FAM177B: variants seen among roughly 807,000 people sequenced by gnomAD.
FAM177B encodes the protein protein FAM177B.
A neutral mutation model predicts 16.1 loss-of-function variants in FAM177B; 16 were observed. The ratio of observed to expected loss-of-function variants is 0.99; its 90% CI spans 0.67 to 1.51. The LOEUF (loss-of-function observed/expected upper bound fraction) is 1.51, where lower values mean the gene tolerates loss of function less well. Among genes scored for constraint, FAM177B ranks in the 40% most tolerant of loss-of-function variants. The pLI is 0.00. For missense variants in FAM177B, 178 were observed against 183.7 expected (o/e 0.97, Z 0.18); for synonymous variants, 56 against 59.9 (o/e 0.93, Z 0.30).
intron 3 of FAM177B, 135 bp downstream of exon 3, chr1:222,746,854 A>G (rs982597849): frequency 1.3e-5 from 12 of 916,250 alleles, no homozygotes; most frequent in Non-Finnish European, 1.7e-5. Context: ...TTCTAAATCC[A>G]TGCATAGGCA....
chr1:222,742,423 C>T (rs1403783657), intron 2 of FAM177B: 1 of 151,936 alleles, frequency 6.6e-6, no homozygotes, highest in African/African-American at 2.4e-5. Flanking sequence ...TGAGTCATAT[C>T]TAAAACCACA....
intron 2 of FAM177B, among the ~76,000 whole-genome samples, chr1:222,740,542 C>A (rs1419158807): frequency 6.6e-6 from 1 of 152,086 alleles, no homozygotes; most frequent in Non-Finnish European, 1.5e-5. Flanking sequence ...TGTCTAGTTA[C>A]CTTTCAATTG....
intron 4 of FAM177B, 43 bp from the exon 5 acceptor site, chr1:222,749,422 A>T: frequency 1.8e-6 from 2 of 1,128,380 alleles, no homozygotes; most frequent in Non-Finnish European, 2.7e-6. Flanking sequence ...GCGAAGCTTT[A>T]GTTAGTAATT....
Position 222,746,627 on chromosome 1 carries a change from T to G in FAM177B, c.82T>G (p.Phe28Val), listed in dbSNP as rs1393147568. 5 of 1,612,398 alleles carry G rather than the reference T, an allele frequency of 3.1e-6. No homozygotes were observed. The African/African-American group carries it at 6.7e-5, about 22-fold the overall frequency. The part of the protein sequence containing the change: ...KKTTPKRIIH[F>V]VDGDIMEEYS... ...GACTACTCCTAAAAGGATTATCCATTTTGTTGACGGAGACATCATGGAAGA... is the reference window on the plus strand; with the variant it reads ...GACTACTCCTAAAAGGATTATCCATGTTGTTGACGGAGACATCATGGAAGA... Residue 28 changes from phenylalanine to valine, a missense_variant, in exon 3 of 6, where the codon TTT (phenylalanine) becomes GTT (valine). Transcript: ENST00000445590.
At chr1:222,740,792 C>T (rs1023096098) in intron 2 of FAM177B, among the ~76,000 whole-genome samples, 4 of 151,394 alleles carry the variant, frequency 2.6e-5, no homozygotes, top group Non-Finnish European at 4.4e-5. Flanking sequence ...CTCGGCCTCC[C>T]GGGTTCATGC....
At chr1:222,744,472 CAAAAA>C (rs763596466) in intron 2 of FAM177B, among the ~76,000 whole-genome samples, 1 of 82,480 alleles carries the variant, frequency 1.2e-5, no homozygotes, top group Non-Finnish European at 2.7e-5. Context: ...AACTCCATCT[CAAAAA>C]AAAAAAAAAA....
intron 2 of FAM177B, among the ~76,000 whole-genome samples, chr1:222,740,918 C>T (rs1415445455): frequency 6.6e-6 from 1 of 152,104 alleles, no homozygotes; most frequent in African/African-American, 2.4e-5. Context: ...CCAGGATGGT[C>T]TTGATCTCCT....
intron 2 of FAM177B, 123 bp from the exon 3 acceptor site, chr1:222,746,408 A>G (rs968767457): frequency 1.8e-5 from 9 of 502,294 alleles, no homozygotes; most frequent in Non-Finnish European, 3.2e-5. Flanking sequence ...GGATTTGAGG[A>G]ATCGATGAGG....
At chr1:222,741,575 T>G (rs1481889399) in intron 2 of FAM177B, among the ~76,000 whole-genome samples, 1 of 151,602 alleles carries the variant, frequency 6.6e-6, no homozygotes, top group Non-Finnish European at 1.5e-5. Flanking sequence ...TCGCCCAGGC[T>G]AGAGTGCAGT....
At chr1:222,740,989 G>A (rs1163471481) in intron 2 of FAM177B, among the ~76,000 whole-genome samples, 4 of 151,480 alleles carry the variant, frequency 2.6e-5, no homozygotes, top group East Asian at 1.9e-4. Flanking sequence ...GTGAGCCACC[G>A]CGCCCGGGTT....
intron 2 of FAM177B, among the ~76,000 whole-genome samples, chr1:222,743,210 T>G (rs888124674): frequency 2.6e-5 from 4 of 152,152 alleles, no homozygotes; most frequent in Non-Finnish European, 5.9e-5. Flanking sequence ...TGCAATGGCA[T>G]GATCTCGGCT....
intron 5 of FAM177B, 27 bp downstream of exon 5, chr1:222,749,589 G>A (rs1299886398): frequency 7.4e-7 from 1 of 1,358,172 alleles, no homozygotes; most frequent in Non-Finnish European, 1.0e-6. Flanking sequence ...TGGAAACAAG[G>A]GGCCTGAGAT....
chr1:222,742,645 T>G (rs1024657719), intron 2 of FAM177B: 4 of 152,232 alleles, frequency 2.6e-5, no homozygotes, highest in Non-Finnish European at 4.4e-5. Context: ...TGTTTGATTA[T>G]TCATTGAAGA....
At chr1:222,746,770 G>T in intron 3 of FAM177B, 51 bp downstream of exon 3, 2 of 1,415,964 alleles carry the variant, frequency 1.4e-6, no homozygotes, top group South Asian at 2.5e-5. Flanking sequence ...GGCGGTGAAT[G>T]AACAAGAGAT....
At chr1:222,747,645 A>G (rs1336044815) in intron 4 of FAM177B, among the ~76,000 whole-genome samples, 3 of 152,220 alleles carry the variant, frequency 2.0e-5, no homozygotes, top group Non-Finnish European at 2.9e-5. Flanking sequence ...ATAGTTGACA[A>G]CATCTAATTA....
intron 4 of FAM177B, chr1:222,747,336 T>A (rs768023757): frequency 3.5e-5 from 15 of 431,910 alleles, no homozygotes; most frequent in Non-Finnish European, 5.8e-5. Flanking sequence ...TACTTATCTT[T>A]CTTAACCATA....
At chr1:222,746,389 T>C (rs768793428) in intron 2 of FAM177B, 142 bp from the exon 3 acceptor site, 10 of 489,142 alleles carry the variant, frequency 2.0e-5, no homozygotes, top group East Asian at 1.2e-4. Flanking sequence ...AATAGAACAG[T>C]CCTTTTTTGG....
intron 2 of FAM177B, among the ~76,000 whole-genome samples, chr1:222,741,279 A>C (rs1323013931): frequency 6.6e-6 from 1 of 151,138 alleles, no homozygotes; most frequent in Non-Finnish European, 1.5e-5. Context: ...GGCCAGGATG[A>C]TATTGAACTC....
intron 2 of FAM177B, among the ~76,000 whole-genome samples, chr1:222,744,676 A>C (rs1658713191): frequency 6.6e-6 from 1 of 152,188 alleles, no homozygotes; most frequent in Non-Finnish European, 1.5e-5. Flanking sequence ...GGTTGGCACT[A>C]TATCATTTCA....
Sources: gnomAD v4.1 joint callset for allele counts (sites outside exome capture counted in the v4.1 genomes callset) on GRCh38, gnomAD v4.1.1 for gene constraint, MANE v1.5 for transcripts, NCBI Gene and HGNC (gene_info 2026-07-23, HGNC 2026-07-21) for gene names.